The following ASCC3 variants were observed in gnomAD, a reference collection of about 807,000 sequenced individuals.
ASCC3 encodes the protein activating signal cointegrator 1 complex subunit 3, also known as ASC-1 complex subunit P200.
A neutral mutation model predicts 256.3 loss-of-function variants in ASCC3; 158 were observed. The observed-to-expected ratio is 0.62, with a 90% CI of 0.54 to 0.70. ASCC3 has a LOEUF of 0.70. Ranked by LOEUF, ASCC3 falls within the 30% of genes least tolerant of loss-of-function variation. The pLI, the probability that ASCC3 is intolerant of heterozygous loss-of-function variation, is 0.00. For synonymous variants in ASCC3, 948 were observed against 883.4 expected, an observed-to-expected ratio of 1.07 and a Z score of -1.30; for missense variants, 2,259 against 2,626.0, an observed-to-expected ratio of 0.86 and a Z score of 3.05.
At chr6:100,532,480 T>C (rs1191887548) in intron 37 of ASCC3, among the ~76,000 whole-genome samples, 2 of 149,598 alleles carry the variant, frequency 1.3e-5, no homozygotes, top group Non-Finnish European at 3.0e-5. Flanking sequence ...ATTTCTCTGT[T>C]CACTTACTGA....
chr6:100,781,291 AT>A (rs1233930411), intron 8 of ASCC3, among the ~76,000 whole-genome samples: 3 of 152,082 alleles, frequency 2.0e-5, no homozygotes, highest in Non-Finnish European at 2.9e-5. Flanking sequence ...TAGTCAAATA[AT>A]TTTTTTCTAT....
chr6:100,627,539 T>C (rs758840405), intron 29 of ASCC3, 51 bp downstream of exon 29: 2 of 1,608,250 alleles, frequency 1.2e-6, no homozygotes, highest in Non-Finnish European at 1.7e-6. Flanking sequence ...AGATATTTGA[T>C]AGCTACCATA....
chr6:100,645,248 T>C (rs551101836), intron 22 of ASCC3, among the ~76,000 whole-genome samples: 111 of 152,222 alleles, frequency 7.3e-4, no homozygotes, highest in African/African-American at 2.6e-3. Context: ...AAATATGAGT[T>C]TATGGGTAAC....
intron 2 of ASCC3, among the ~76,000 whole-genome samples, chr6:100,865,475 A>G (rs1773433081): frequency 6.6e-6 from 1 of 152,156 alleles, no homozygotes; most frequent in Admixed American, 6.6e-5. Context: ...AGCAATATTA[A>G]TATACTCTTG....
At chr6:100,566,401 A>G (rs1297298070) in intron 36 of ASCC3, among the ~76,000 whole-genome samples, 1 of 152,184 alleles carries the variant, frequency 6.6e-6, no homozygotes, top group African/African-American at 2.4e-5. Flanking sequence ...ACCCTTAATA[A>G]GTCCACCATA....
At chr6:100,631,704 T>G in intron 25 of ASCC3, among the ~76,000 whole-genome samples, 1 of 152,032 alleles carries the variant, frequency 6.6e-6, no homozygotes, top group East Asian at 1.9e-4. Flanking sequence ...TAAATTTTAA[T>G]GCAGATTTTA....
chr6:100,767,146 T>C lies in ASCC3; in HGVS notation c.1595A>G (p.Lys532Arg), dbSNP rs138701301. Residue 532 changes from lysine to arginine, a missense_variant and splice_region_variant, in exon 9 of 42, where the codon AAG (lysine) becomes AGG (arginine). Around this residue, in one of 2 missense-constraint regions of ASCC3, gnomAD observed 1,839 missense variants for 2,206.7 expected, o/e 0.83. Transcript: ENST00000369162. ...QQGVIKKNEF[K>R]IVYVAPMKAL... is the part of the protein sequence containing the mutation. ...CTGTTGTCTGATTTATTTACTTACC[T>C]TAAATTCATTCTTTTTGATAACACC... 366 of 1,613,460 alleles carry C rather than the reference T, an allele frequency of 2.3e-4. 3 individuals carry two copies. The East Asian group carries it at 7.1e-3, about 31-fold the overall frequency.
intron 34 of ASCC3, among the ~76,000 whole-genome samples, chr6:100,595,312 A>T (rs1414239611): frequency 6.6e-6 from 1 of 152,174 alleles, no homozygotes; most frequent in African/African-American, 2.4e-5. Flanking sequence ...GTACACCATA[A>T]TATAATTATC....
intron 32 of ASCC3, 82 bp from the exon 33 acceptor site, chr6:100,605,782 A>T: frequency 7.0e-7 from 1 of 1,435,830 alleles, no homozygotes; most frequent in Non-Finnish European, 9.8e-7. Flanking sequence ...ATGCTTCTAT[A>T]ATCAACCAAA....
At chr6:100,634,870 A>AC (rs1400852012) in intron 25 of ASCC3, among the ~76,000 whole-genome samples, 1 of 65,606 alleles carries the variant, frequency 1.5e-5, no homozygotes, top group Non-Finnish European at 5.2e-5. Flanking sequence ...AAAACAAAAA[A>AC]AAAAAAAAAA....
intron 24 of ASCC3, among the ~76,000 whole-genome samples, chr6:100,640,971 T>C (rs1183601167): frequency 6.6e-6 from 1 of 152,166 alleles, no homozygotes; most frequent in Non-Finnish European, 1.5e-5. Context: ...GGTTTCTCTT[T>C]GGAAGAACCA....
chr6:100,652,724 C>T lies in ASCC3; in HGVS notation c.2988+1G>A. The T allele has an allele frequency of 1.2e-6, 2 of 1,612,720 alleles. No individual in the cohort carries two copies. Among genetic ancestry groups the T allele is most frequent in the Non-Finnish European group, 1.7e-6 (2 of 1,179,062 alleles). The stretch of plus-strand genomic sequence containing the variant: ...CAAACATATTTGCATTAGTATAATA[C>T]CTCAATGGTGTTGTATTTAATATAG... On this transcript the variant is annotated splice_donor_variant, in intron 18 of 41. Transcript: ENST00000369162. LOFTEE classifies it high-confidence loss of function.
intron 30 of ASCC3, among the ~76,000 whole-genome samples, chr6:100,613,485 CT>C (rs1363978528): frequency 6.6e-6 from 1 of 151,810 alleles, no homozygotes; most frequent in Non-Finnish European, 1.5e-5. Flanking sequence ...TGATTTCATT[CT>C]TTTTTATGGC....
intron 5 of ASCC3, among the ~76,000 whole-genome samples, chr6:100,803,967 T>TA (rs202232375): frequency 0.04 from 6,063 of 151,590 alleles, 147 homozygotes; most frequent in African/African-American, 0.058. Context: ...GTGGTAAAGG[T>TA]AAAAAAAAAT....
intron 10 of ASCC3, among the ~76,000 whole-genome samples, chr6:100,730,180 G>T (rs1046062640): frequency 1.3e-5 from 2 of 151,960 alleles, no homozygotes; most frequent in African/African-American, 4.8e-5. Flanking sequence ...GCACATGCCT[G>T]TAGTCTTACA....
intron 39 of ASCC3, among the ~76,000 whole-genome samples, chr6:100,514,643 G>A (rs1375765577): frequency 6.6e-6 from 1 of 151,640 alleles, no homozygotes; most frequent in Non-Finnish European, 1.5e-5. Flanking sequence ...TATAAAACAT[G>A]AACTATTTTT....
At chr6:100,628,700 T>C (rs892394330) in intron 27 of ASCC3, among the ~76,000 whole-genome samples, 2 of 152,158 alleles carry the variant, frequency 1.3e-5, no homozygotes, top group African/African-American at 4.8e-5. Context: ...ACATTTACTG[T>C]ACAAGCTGTA....
intron 30 of ASCC3, among the ~76,000 whole-genome samples, chr6:100,612,566 T>C (rs1773459658): frequency 1.3e-5 from 2 of 152,066 alleles, no homozygotes; most frequent in South Asian, 4.1e-4. Context: ...TTCTGAAGTT[T>C]TATTTTTAAA....
chr6:100,662,699 A>G (rs182454168), intron 14 of ASCC3, among the ~76,000 whole-genome samples, 163 bp from the exon 15 acceptor site: 4 of 152,182 alleles, frequency 2.6e-5, no homozygotes, highest in African/African-American at 9.6e-5. Flanking sequence ...ATCATAAAAA[A>G]TAATGTTACC....
Sources: gnomAD v4.1 joint callset for allele counts (sites outside exome capture counted in the v4.1 genomes callset) on GRCh38, gnomAD v4.1.1 for gene constraint, gnomAD v4.1.1 regional missense constraint, MANE v1.5 for transcripts, NCBI Gene and HGNC (gene_info 2026-07-23, HGNC 2026-07-21) for gene names.